Variants in ZSCAN5C observed in about 807,000 individuals in gnomAD.
ZSCAN5C encodes zinc finger and SCAN domain-containing protein 5C.
In ZSCAN5C, 11 loss-of-function variants were observed where a neutral mutation model predicts 17.3. The ratio of observed to expected loss-of-function variants is 0.64; its 90% CI spans 0.40 to 1.06. ZSCAN5C has a LOEUF of 1.06. Among genes scored for constraint, ZSCAN5C ranks in the 50% least tolerant of loss-of-function variants. The probability of loss-of-function intolerance (pLI) is 0.00; values close to 1 mark genes in which losing one functional copy is unlikely to be tolerated. For missense variants in ZSCAN5C, 698 were observed against 538.9 expected (o/e 1.30, Z -2.92); for synonymous variants, 229 against 208.4 (o/e 1.10, Z -0.85).
At chr19:56,206,932 C>A in intron 2 of ZSCAN5C, 127 bp from the exon 3 acceptor site, 1 of 604,016 alleles carries the variant, frequency 1.7e-6, no homozygotes, top group Admixed American at 2.8e-5. Flanking sequence ...AGAGCTGATT[C>A]TGCATCGGGA....
intron 1 of ZSCAN5C, among the ~76,000 whole-genome samples, chr19:56,203,851 G>A (rs1599945573): frequency 6.6e-6 from 1 of 151,448 alleles, no homozygotes; most frequent in Non-Finnish European, 1.5e-5. Context: ...GTTTCTCCAT[G>A]TTGGTCAGGC....
chr19:56,203,800 C>T (rs1031202470), intron 1 of ZSCAN5C, among the ~76,000 whole-genome samples: 4 of 151,498 alleles, frequency 2.6e-5, no homozygotes, highest in Non-Finnish European at 5.9e-5. Context: ...CAGGCATGTG[C>T]CACCAAGCCT....
chr19:56,203,616 A>G (rs1208436975), intron 1 of ZSCAN5C, among the ~76,000 whole-genome samples: 1 of 136,450 alleles, frequency 7.3e-6, no homozygotes. Context: ...CATTCTACTC[A>G]CTGCTACTAT....
intron 1 of ZSCAN5C, among the ~76,000 whole-genome samples, chr19:56,203,784 G>C (rs1422712094): frequency 2.0e-5 from 3 of 151,230 alleles, no homozygotes; most frequent in Non-Finnish European, 2.9e-5. Context: ...CAAGTAGCTG[G>C]GATTACAGGC....
At chr19:56,202,609 G>A (rs2032883544) in intron 1 of ZSCAN5C, among the ~76,000 whole-genome samples, 1 of 151,840 alleles carries the variant, frequency 6.6e-6, no homozygotes, top group South Asian at 2.1e-4. Context: ...TTTTAGAGAT[G>A]AGATCTCTCT....
At chr19:56,207,110 G>A (rs1401580853) in exon 3 of ZSCAN5C, 6 of 754,370 alleles carry the variant, frequency 8.0e-6, no homozygotes, top group Non-Finnish European at 1.5e-5. Flanking sequence ...ATCAGATGTG[G>A]AGATGGCTGA....
chr19:56,204,682 C>T (rs987411964), intron 1 of ZSCAN5C, among the ~76,000 whole-genome samples: 1 of 151,882 alleles, frequency 6.6e-6, no homozygotes, highest in African/African-American at 2.4e-5. Flanking sequence ...CCCTGGCTGT[C>T]TCTCTGTTCT....
chr19:56,206,215 AGG>A lies in ZSCAN5C; in HGVS notation c.303_304del (p.Gln101HisfsTer21), dbSNP rs2032919726. On this transcript the variant is annotated frameshift_variant, in exon 2 of 5. Transcript: ENST00000534327. LOFTEE classifies it high-confidence loss of function. ...ATGATCTCCATGCCCCAGGAGCTCC[AGG>A]TCTTAGTCATGATGAACGGTGTGCA... 1.9e-6 allele frequency: 3 copies of A among 1,582,804 alleles called. No individual in the cohort carries two copies. Among genetic ancestry groups the A allele is most frequent in the Non-Finnish European group, 2.6e-6 (3 of 1,159,702 alleles).
chr19:56,208,662 C>G lies in ZSCAN5C; in HGVS notation c.953C>G (p.Pro318Arg). 2.5e-6 allele frequency: 4 copies of G among 1,612,548 alleles called. No individual in the cohort carries two copies. In the South Asian group the frequency reaches 4.4e-5, roughly 18 times the overall value. ...GAAGAGCCTCAAGGAGAAGCCACAC[C>G]TGTGGGCAACAGAGAATCCCCGGGA... The change falls in exon 5 of 5, where the codon CCT (proline) becomes CGT (arginine). Residue 318 changes from proline to arginine, a missense_variant. Coordinates refer to ENST00000534327, the Ensembl canonical transcript of ZSCAN5C.
At chr19:56,207,694 T>C (rs914426309) in intron 3 of ZSCAN5C, among the ~76,000 whole-genome samples, 1 of 151,772 alleles carries the variant, frequency 6.6e-6, no homozygotes, top group Non-Finnish European at 1.5e-5. Context: ...TCTAGAGACA[T>C]TTTTGTTGTC....
downstream of ZSCAN5C, chr19:56,209,426 C>T: frequency 2.2e-6 from 1 of 462,750 alleles, no homozygotes; most frequent in East Asian, 3.4e-5. Flanking sequence ...TGTTGCTGTT[C>T]TTTCAATAAA....
chr19:56,209,258 A>C, downstream of ZSCAN5C: 1 of 625,192 alleles, frequency 1.6e-6, no homozygotes, highest in Non-Finnish European at 2.8e-6. Context: ...TTTTTCACCG[A>C]TGTTGTCAGA....
intron 1 of ZSCAN5C, among the ~76,000 whole-genome samples, chr19:56,203,132 C>T (rs1465771088): frequency 6.6e-6 from 1 of 151,902 alleles, no homozygotes; most frequent in Non-Finnish European, 1.5e-5. Context: ...GAGACAGGCT[C>T]TCACTATGTT....
intron 2 of ZSCAN5C, among the ~76,000 whole-genome samples, chr19:56,206,655 T>C (rs1474439522): frequency 6.6e-6 from 1 of 151,658 alleles, no homozygotes; most frequent in Non-Finnish European, 1.5e-5. Flanking sequence ...AGAAAGACAT[T>C]GGTGAAATAT....
At chr19:56,204,137 A>AT (rs1428918050) in intron 1 of ZSCAN5C, among the ~76,000 whole-genome samples, 1 of 151,750 alleles carries the variant, frequency 6.6e-6, no homozygotes, top group Non-Finnish European at 1.5e-5. Context: ...GATAGCAACC[A>AT]ATAGGTAGTT....
intron 1 of ZSCAN5C, among the ~76,000 whole-genome samples, 183 bp from the exon 2 acceptor site, chr19:56,205,604 G>T (rs1360374613): frequency 6.6e-6 from 1 of 151,874 alleles, no homozygotes; most frequent in Admixed American, 6.6e-5. Context: ...GGAGTATTCA[G>T]ATTTTACTCC....
chr19:56,207,499 C>T (rs557028422), intron 3 of ZSCAN5C, among the ~76,000 whole-genome samples: 4 of 151,466 alleles, frequency 2.6e-5, no homozygotes, highest in Non-Finnish European at 5.9e-5. Flanking sequence ...GAAATGGTCT[C>T]GGTGAAATAA....
Position 56,204,527 on chromosome 19 carries a change from G to A in ZSCAN5C, c.-127-1260G>A, listed in dbSNP as rs3097899. 2.4e-4 allele frequency among the ~76,000 whole-genome samples: 36 copies of A among 151,374 alleles called. 1 individual carries two copies. Among genetic ancestry groups the A allele is most frequent in the South Asian group, 1.3e-3 (6 of 4,796 alleles). On this transcript the variant is annotated intron_variant, in intron 1 of 4. Transcript: ENST00000534327. ...ATGTCTTCATCTGAGATGTCCACAC[G>A]GGCGCCTTAAGCCCCTCTAGTGGGT...
chr19:56,202,841 C>T (rs1007316389), intron 1 of ZSCAN5C, among the ~76,000 whole-genome samples: 4 of 151,946 alleles, frequency 2.6e-5, no homozygotes, highest in African/African-American at 9.7e-5. Context: ...AGGTGTGAGC[C>T]ACCTTGCTGG....
Sources: allele counts gnomAD v4.1 joint callset (sites outside exome capture counted in the v4.1 genomes callset), GRCh38; gene constraint gnomAD v4.1.1; transcripts MANE v1.5; gene names NCBI Gene and HGNC (gene_info 2026-07-23, HGNC 2026-07-21).